Variants in SLC35A3 observed in about 807,000 individuals in gnomAD.
SLC35A3 encodes UDP-N-acetylglucosamine transporter.
SLC35A3 carries 26 observed loss-of-function variants against 39.0 expected under a neutral mutation model. The ratio of observed to expected loss-of-function variants is 0.67; its 90% confidence interval spans 0.49 to 0.92. The LOEUF (loss-of-function observed/expected upper bound fraction) is 0.92, where lower values mean the gene tolerates loss of function less well. Ranked by LOEUF, SLC35A3 falls within the 40% of genes least tolerant of loss-of-function variation. The pLI is 0.00. For missense variants in SLC35A3, 299 were observed against 371.6 expected (o/e 0.80, Z 1.61); for synonymous variants, 135 against 133.1 (o/e 1.01, Z -0.10).
chr1:99,978,961 T>C (rs1657282709), intron 1 of SLC35A3: 1 of 152,236 alleles, frequency 6.6e-6, no homozygotes, highest in Non-Finnish European at 1.5e-5. Flanking sequence ...GCAGCACATA[T>C]ACTAAAGTTC....
Position 99,970,291 on chromosome 1 carries a change from G to A in SLC35A3, c.-19+129G>A, listed in dbSNP as rs991463549. The A allele has an allele frequency of 1.8e-5, 8 of 440,286 alleles. No homozygotes were observed. In the Admixed American group the frequency reaches 2.7e-4, roughly 15 times the overall value. The allele number at this position is 440,286 out of a possible 1,614,324, so 27.3% of individuals were successfully genotyped here. A position where few individuals can be genotyped will look rare whatever the true frequency, so the allele number is the denominator to read the frequency against. ...GGGCTGATGTGAAGTCTGTAGGGGT[G>A]AAGGGGACGGTATCGAAGACCTGAA... On this transcript the variant is annotated intron_variant, in intron 1 of 7. Coordinates refer to ENST00000533028, the MANE Select transcript of SLC35A3 (RefSeq NM_012243.3).
At chr1:99,992,864 T>TA (rs1658168860) in intron 1 of SLC35A3, among the ~76,000 whole-genome samples, 1 of 152,056 alleles carries the variant, frequency 6.6e-6, no homozygotes, top group African/African-American at 2.4e-5. Context: ...GGAGGAAGAG[T>TA]ACTGCCTCCT....
rs1226277790 is a variant in SLC35A3 at position 100,017,693 on chromosome 1, C to T, written c.765C>T (p.Gly255=). The change falls in exon 7 of 8, where the codon GGC becomes GGT. Residue 255 remains glycine (G), a synonymous_variant. Transcript: ENST00000533028. ...WIVVVLQALG[G]LVIAAVIKYA... ...TTTTAAAACTTCAGGCACTTGGAGG[C>T]CTTGTAATAGCTGCTGTTATTAAGT... 1.6e-5 allele frequency: 24 copies of T among 1,544,824 alleles called. 1 individual carries two copies. The Middle Eastern group carries it at 5.2e-4, about 33-fold the overall frequency.
intron 4 of SLC35A3, 54 bp downstream of exon 4, chr1:100,007,210 T>C: frequency 1.4e-6 from 2 of 1,449,712 alleles, no homozygotes. Flanking sequence ...TTCAAAACCT[T>C]ATTTATTTTG....
At chr1:99,972,646 A>G (rs542949063) in intron 1 of SLC35A3, among the ~76,000 whole-genome samples, 1 of 152,208 alleles carries the variant, frequency 6.6e-6, no homozygotes, top group South Asian at 2.1e-4. Flanking sequence ...TGTACTTACT[A>G]CATTTTTAAA....
At chr1:100,000,327 C>G (rs1347849909) in intron 3 of SLC35A3, among the ~76,000 whole-genome samples, 7 of 151,998 alleles carry the variant, frequency 4.6e-5, no homozygotes, top group Non-Finnish European at 1.0e-4. Context: ...TCCCTGATGA[C>G]TAGTGATGTT....
chr1:99,988,663 G>T (rs1303526899), intron 1 of SLC35A3, among the ~76,000 whole-genome samples: 1 of 104,522 alleles, frequency 9.6e-6, no homozygotes, highest in African/African-American at 3.8e-5. Context: ...CCCTCCTCTC[G>T]TTTCTTCCCA....
intron 3 of SLC35A3, among the ~76,000 whole-genome samples, chr1:100,005,272 T>C (rs1659143289): frequency 6.6e-6 from 1 of 152,234 alleles, no homozygotes; most frequent in African/African-American, 2.4e-5. Context: ...TTTTGACTTT[T>C]GGTAGTTTGA....
At chr1:100,013,954 A>G (rs1373293022) in intron 5 of SLC35A3, among the ~76,000 whole-genome samples, 7 of 152,186 alleles carry the variant, frequency 4.6e-5, no homozygotes. Flanking sequence ...AAGGTGACCC[A>G]TAAGAAGTGG....
At chr1:99,970,811 T>C (rs906735968) in intron 1 of SLC35A3, among the ~76,000 whole-genome samples, 5 of 152,234 alleles carry the variant, frequency 3.3e-5, no homozygotes, top group Admixed American at 1.3e-4. Flanking sequence ...CATTCGACTT[T>C]AGTAGTTAAA....
At chr1:100,012,037 A>T (rs902146154) in intron 5 of SLC35A3, among the ~76,000 whole-genome samples, 1 of 152,086 alleles carries the variant, frequency 6.6e-6, no homozygotes, top group African/African-American at 2.4e-5. Flanking sequence ...TTTTAAATGA[A>T]CGCCTTTTAT....
At chr1:99,985,157 A>G (rs1360199135) in intron 1 of SLC35A3, among the ~76,000 whole-genome samples, 2 of 152,134 alleles carry the variant, frequency 1.3e-5, no homozygotes, top group African/African-American at 4.8e-5. Context: ...GCCAATGTCT[A>G]GTAGGGTTTT....
chr1:99,984,845 G>C (rs1030175099), intron 1 of SLC35A3, among the ~76,000 whole-genome samples: 2 of 152,002 alleles, frequency 1.3e-5, no homozygotes, highest in African/African-American at 4.8e-5. Context: ...GTGATATTGG[G>C]CATTTTTTCA....
intron 4 of SLC35A3, chr1:100,009,111 C>G (rs536672845): frequency 6.6e-6 from 1 of 152,076 alleles, no homozygotes; most frequent in Non-Finnish European, 1.5e-5. Context: ...CCACTTGGTA[C>G]TTATCTTGTA....
In SLC35A3 at chr1:100,031,927, G is replaced by A. The variant is rs1006324736; in HGVS notation, c.*9451G>A. ...TCTCCCCATGATAGTACTCTTTGAA[G>A]GACCAAAGTTACTTTGCTCCTATTA... On this transcript the variant is annotated 3_prime_UTR_variant, in exon 8 of 8. Transcript: ENST00000533028. 2 of 152,070 alleles carry A rather than the reference G, an allele frequency of 1.3e-5. No individual in the cohort carries two copies. Among genetic ancestry groups the A allele is most frequent in the African/African-American group, 4.8e-5 (2 of 41,384 alleles). 9.4% of individuals were successfully genotyped at this position (152,070 alleles called of 1,614,324 possible). A position where few individuals can be genotyped will look rare whatever the true frequency, so the allele number is the denominator to read the frequency against.
intron 3 of SLC35A3, among the ~76,000 whole-genome samples, chr1:100,000,922 A>T (rs1357508463): frequency 2.0e-5 from 3 of 151,344 alleles, no homozygotes; most frequent in African/African-American, 7.3e-5. Context: ...ATTTTTCTTC[A>T]TATTCATATC....
chr1:99,989,505 A>G (rs1197421470), intron 1 of SLC35A3, among the ~76,000 whole-genome samples: 1 of 152,012 alleles, frequency 6.6e-6, no homozygotes, highest in Non-Finnish European at 1.5e-5. Context: ...GCCGCTCTTG[A>G]ACTCCTGACC....
intron 1 of SLC35A3, among the ~76,000 whole-genome samples, chr1:99,992,092 G>A (rs1435516534): frequency 1.1e-4 from 16 of 152,084 alleles, no homozygotes; most frequent in Admixed American, 1.0e-3. Context: ...GGTTGATAGT[G>A]TTCAGATTTT....
intron 1 of SLC35A3, among the ~76,000 whole-genome samples, chr1:99,973,938 G>A (rs995212043): frequency 3.3e-5 from 5 of 151,570 alleles, no homozygotes; most frequent in African/African-American, 9.7e-5. Context: ...TTGCTTGAAC[G>A]CGGGAGGCGG....
Sources: allele counts gnomAD v4.1 joint callset (sites outside exome capture counted in the v4.1 genomes callset), GRCh38; gene constraint gnomAD v4.1.1; transcripts MANE v1.5; gene names NCBI Gene and HGNC (gene_info 2026-07-23, HGNC 2026-07-21).